PMVK: variants seen among roughly 807,000 people sequenced by gnomAD.
The protein encoded by PMVK is phosphomevalonate kinase.
Under a neutral mutation model 19.0 loss-of-function variants are expected in PMVK, and 10 were observed. The ratio of observed to expected loss-of-function variants is 0.53; its 90% CI spans 0.32 to 0.89. The LOEUF is 0.89. Ranked by LOEUF, PMVK falls within the 40% of genes least tolerant of loss-of-function variation. PMVK has a pLI of 0.03. For missense variants in PMVK, 222 were observed against 251.1 expected, an observed-to-expected ratio of 0.88 and a Z score of 0.78; for synonymous variants, 108 against 101.6, an observed-to-expected ratio of 1.06 and a Z score of -0.38.
At position 154,924,919 on chromosome 1, in the gene PMVK, T is replaced by G; in HGVS notation, c.*210A>C. 1 of 574,328 alleles carries G rather than the reference T, an allele frequency of 1.7e-6. No individual in the cohort carries two copies. The allele number at this position is 574,328 out of a possible 1,614,324, so 35.6% of individuals were successfully genotyped here. ...AAGACACCCTCCTTTGCCCTTGGAG[T>G]CTCCTCCTGAAGAGCATGGCTGTCT... On this transcript the variant is annotated 3_prime_UTR_variant, in exon 5 of 5. Transcript: ENST00000368467.
chr1:154,931,855 A>T (rs866924875), intron 2 of PMVK, among the ~76,000 whole-genome samples: 36 of 151,684 alleles, frequency 2.4e-4, no homozygotes, highest in African/African-American at 4.8e-4. Context: ...TTTAAAAAAA[A>T]TTTTTTTTAA....
intron 1 of PMVK, among the ~76,000 whole-genome samples, chr1:154,932,881 GC>G (rs1441276731): frequency 6.6e-6 from 1 of 152,152 alleles, no homozygotes; most frequent in Non-Finnish European, 1.5e-5. Flanking sequence ...CAGGAGGAGT[GC>G]TTGAGGCCAG....
At chr1:154,935,156 A>C (rs1291555650) in intron 1 of PMVK, among the ~76,000 whole-genome samples, 2 of 151,436 alleles carry the variant, frequency 1.3e-5, no homozygotes, top group Admixed American at 6.6e-5. Flanking sequence ...CAGGGTTTGC[A>C]TCCCAGCAGT....
At chr1:154,940,527 C>T (rs1240662099), upstream of PMVK, among the ~76,000 whole-genome samples, 3 of 152,214 alleles carry the variant, frequency 2.0e-5, no homozygotes, top group Admixed American at 6.5e-5. Context: ...AACCATCTAG[C>T]TATAGGCTAT....
chr1:154,924,882 T>C lies in PMVK; in HGVS notation c.*247A>G. The C allele has an allele frequency of 1.9e-6, 1 of 514,932 alleles. No individual in the cohort carries two copies. The highest frequency in any genetic ancestry group is 3.5e-6 in the Non-Finnish European group (1 of 284,066). 31.9% of individuals were successfully genotyped at this position (514,932 alleles called of 1,614,324 possible). ...CTGGGGATATGGCAGGGTTTCGCCT[T>C]CAAGCACAGCCAAGACACCCTCCTT... On this transcript the variant is annotated 3_prime_UTR_variant, in exon 5 of 5. Coordinates refer to ENST00000368467, the MANE Select transcript of PMVK (RefSeq NM_006556.4).
chr1:154,929,313 A>G (rs1461186851), intron 2 of PMVK, 137 bp from the exon 3 acceptor site: 1 of 732,924 alleles, frequency 1.4e-6, no homozygotes, highest in Non-Finnish European at 2.2e-6. Flanking sequence ...TTCAGCCAGG[A>G]CAAAGGTCTG....
chr1:154,940,987 G>T (rs1028014857), upstream of PMVK, among the ~76,000 whole-genome samples: 1 of 152,094 alleles, frequency 6.6e-6, no homozygotes, highest in Non-Finnish European at 1.5e-5. Flanking sequence ...TCTCACCCTC[G>T]GGACAGCCTC....
At chr1:154,933,750 G>C (rs759975733) in intron 1 of PMVK, among the ~76,000 whole-genome samples, 1 of 151,306 alleles carries the variant, frequency 6.6e-6, no homozygotes, top group East Asian at 2.0e-4. Context: ...CCTCAGCCTC[G>C]CAAAGTGCTG....
chr1:154,939,207 C>T (rs1290398542), upstream of PMVK, among the ~76,000 whole-genome samples: 2 of 152,182 alleles, frequency 1.3e-5, no homozygotes, highest in Admixed American at 6.5e-5. Context: ...CCTATGGACA[C>T]ACCCTGGGCT....
chr1:154,926,059 C>T (rs1654147333), intron 4 of PMVK, among the ~76,000 whole-genome samples: 1 of 152,228 alleles, frequency 6.6e-6, no homozygotes, highest in Non-Finnish European at 1.5e-5. Flanking sequence ...TGAGCTTTGT[C>T]AGGTTTGCCC....
chr1:154,932,530 G>A (rs995036462), intron 1 of PMVK, 115 bp from the exon 2 acceptor site: 1 of 632,458 alleles, frequency 1.6e-6, no homozygotes, highest in East Asian at 3.1e-5. Flanking sequence ...CTGGTATTAT[G>A]TAACTTTGGT....
chr1:154,935,058 C>CAAAAA (rs569402578), intron 1 of PMVK, among the ~76,000 whole-genome samples: 1 of 22,264 alleles, frequency 4.5e-5, no homozygotes, highest in Non-Finnish European at 1.3e-4. Flanking sequence ...GACTCCGTCT[C>CAAAAA]AAAAAAAAAA....
At chr1:154,937,834 G>C (rs1654557862), upstream of PMVK, 1 of 151,996 alleles carries the variant, frequency 6.6e-6, no homozygotes, top group South Asian at 2.1e-4. Context: ...GTGGTTTTTT[G>C]TTTTTTGGGG....
rs761558338 is a variant in PMVK, at chr1:154,926,310, G to A, written c.442+44C>T. Reference sequence around the variant, plus strand: ...CTGCCCGGTAGACAAACCACAGGGTGGGTAGCCTGTGTCCTCCTGTGCCCT... The same window carrying A: ...CTGCCCGGTAGACAAACCACAGGGTAGGTAGCCTGTGTCCTCCTGTGCCCT... On this transcript the variant is annotated intron_variant, in intron 4 of 4. Coordinates refer to ENST00000368467, the MANE Select transcript of PMVK (RefSeq NM_006556.4). The A allele has an allele frequency of 3.2e-6, 5 of 1,583,456 alleles. No individual in the cohort carries two copies. The South Asian group carries it at 5.7e-5, about 18-fold the overall frequency.
intron 4 of PMVK, among the ~76,000 whole-genome samples, chr1:154,925,959 G>C (rs1055151100): frequency 1.3e-5 from 2 of 152,228 alleles, no homozygotes; most frequent in Non-Finnish European, 2.9e-5. Flanking sequence ...GAAGCCCACA[G>C]AGCGGGTCCT....
At chr1:154,931,102 A>AG (rs1221268809) in intron 2 of PMVK, among the ~76,000 whole-genome samples, 3 of 152,184 alleles carry the variant, frequency 2.0e-5, no homozygotes, top group Non-Finnish European at 4.4e-5. Context: ...AGAAAAAAAA[A>AG]TAAACCACTT....
rs747648009 is a variant in PMVK, at chr1:154,929,184, A to G, written c.160-8T>C. On this transcript the variant is annotated splice_region_variant and splice_polypyrimidine_tract_variant and intron_variant, in intron 2 of 4. Coordinates refer to ENST00000368467, the MANE Select transcript of PMVK (RefSeq NM_006556.4). ...GAAGTTCAAGCCATGCTCCTGCCCAAAGGACATTATGTCTACGTCACCGGC... is the reference window on the plus strand; with the variant it reads ...GAAGTTCAAGCCATGCTCCTGCCCAGAGGACATTATGTCTACGTCACCGGC... 5.6e-6 allele frequency: 9 copies of G among 1,613,888 alleles called. No individual in the cohort carries two copies. Among genetic ancestry groups the G allele is most frequent in the Non-Finnish European group, 7.6e-6 (9 of 1,179,796 alleles).
upstream of PMVK, chr1:154,936,816 G>C (rs900844833): frequency 8.6e-6 from 7 of 818,142 alleles, no homozygotes; most frequent in African/African-American, 1.0e-4. Flanking sequence ...CCTCGCCGTA[G>C]CTGCGAACAG....
chr1:154,932,426 G>A lies in PMVK; in HGVS notation c.96-11C>T. 6.3e-7 allele frequency: 1 copy of A among 1,594,190 alleles called. No homozygotes were observed. Among genetic ancestry groups the A allele is most frequent in the Non-Finnish European group, 8.6e-7 (1 of 1,169,062 alleles). On this transcript the variant is annotated splice_polypyrimidine_tract_variant and intron_variant, in intron 1 of 4. Coordinates refer to ENST00000368467, the MANE Select transcript of PMVK (RefSeq NM_006556.4). ...ACATCAGCTCCAAGTCTGCAGGACAGGGAGATCAGAATCCAGTTAGCCTAG... is the reference window on the plus strand; with the variant it reads ...ACATCAGCTCCAAGTCTGCAGGACAAGGAGATCAGAATCCAGTTAGCCTAG...
Sources: gnomAD v4.1 joint callset for allele counts (sites outside exome capture counted in the v4.1 genomes callset) on GRCh38, gnomAD v4.1.1 for gene constraint, MANE v1.5 for transcripts, NCBI Gene and HGNC (gene_info 2026-07-23, HGNC 2026-07-21) for gene names.